Variants in A4GALT observed in about 807,000 individuals in gnomAD.
A4GALT encodes lactosylceramide 4-alpha-galactosyltransferase.
For synonymous variants in A4GALT, 257 were observed against 220.7 expected (o/e 1.16, Z -1.46); for missense variants, 512 against 486.0 (o/e 1.05, Z -0.50).
chr22:42,707,615 C>A (rs1450908849), intron 1 of A4GALT, among the ~76,000 whole-genome samples: 1 of 152,070 alleles, frequency 6.6e-6, no homozygotes, highest in Non-Finnish European at 1.5e-5. Flanking sequence ...GAAACTGCAT[C>A]ATCATTTTCT....
At chr22:42,696,771 C>G (rs1930962228) in intron 1 of A4GALT, among the ~76,000 whole-genome samples, 1 of 151,768 alleles carries the variant, frequency 6.6e-6, no homozygotes, top group African/African-American at 2.4e-5. Context: ...ATGTGTCCCC[C>G]TGACCTCACG....
rs201796538 is a variant in A4GALT, at chr22:42,702,295, T to TC, written c.-187-6665dup. ...GTGCAGCCGCTGTTGAGGACTTGTG[T>TC]CCCCCCCCGGAAAAAGGGGCTCCCC... On this transcript the variant is annotated intron_variant, in intron 1 of 2. Coordinates refer to ENST00000642412, the MANE Select transcript of A4GALT (RefSeq NM_017436.7). Among the ~76,000 whole-genome samples the TC allele has an allele frequency of 7.1e-3, 1,022 of 143,382 alleles. 5 individuals carry two copies. Among genetic ancestry groups the TC allele is most frequent in the Non-Finnish European group, 0.011 (752 of 66,532 alleles). The allele number at this position is 143,382 out of a possible 152,430, so 94.1% of individuals were successfully genotyped here. A position where few individuals can be genotyped will look rare whatever the true frequency, so the allele number is the denominator to read the frequency against.
intron 1 of A4GALT, among the ~76,000 whole-genome samples, chr22:42,710,395 A>G (rs1309993818): frequency 1.3e-5 from 2 of 152,154 alleles, no homozygotes; most frequent in Non-Finnish European, 2.9e-5. Flanking sequence ...TTAACAAAAG[A>G]TATTAAACAT....
At position 42,710,733 on chromosome 22, in the gene A4GALT, T is replaced by TAAATAAGA. The variant is rs1487670260; in HGVS notation, c.-188+10063_-188+10064insTCTTATTT. On this transcript the variant is annotated intron_variant, in intron 1 of 2. Coordinates refer to ENST00000642412, the MANE Select transcript of A4GALT (RefSeq NM_017436.7). ...ATAAATAAATAAATAAATAAATAAA[T>TAAATAAGA]AAGAACAATGCAGCCTTGTGGCTGA... is the stretch of plus-strand genomic sequence containing the variant. Among the ~76,000 whole-genome samples, 487 of 139,472 alleles carry TAAATAAGA rather than the reference T, an allele frequency of 3.5e-3. 2 individuals carry two copies. Among genetic ancestry groups the TAAATAAGA allele is most frequent in the African/African-American group, 0.012 (465 of 39,684 alleles). The allele number at this position is 139,472 out of a possible 152,430, so 91.5% of individuals were successfully genotyped here.
At chr22:42,708,902 C>A (rs1036701203) in intron 1 of A4GALT, among the ~76,000 whole-genome samples, 7 of 151,816 alleles carry the variant, frequency 4.6e-5, no homozygotes, top group African/African-American at 1.7e-4. Context: ...AGGACAACTT[C>A]CACATTAGAA....
intron 1 of A4GALT, among the ~76,000 whole-genome samples, chr22:42,699,884 G>A (rs760628018): frequency 1.2e-4 from 19 of 152,192 alleles, no homozygotes; most frequent in Admixed American, 3.9e-4. Flanking sequence ...CCCAGTGTGG[G>A]TGGGCCCCCA....
At chr22:42,694,064 C>T in intron 2 of A4GALT, 67 bp from the exon 3 acceptor site, 1 of 981,698 alleles carries the variant, frequency 1.0e-6, no homozygotes, top group Non-Finnish European at 1.5e-6. Context: ...GAAAACGCTT[C>T]CTGTGAACAT....
chr22:42,711,902 C>T (rs1261718556), intron 1 of A4GALT, among the ~76,000 whole-genome samples: 3 of 152,108 alleles, frequency 2.0e-5, no homozygotes, highest in East Asian at 1.9e-4. Flanking sequence ...GGATCACAGG[C>T]GTGAGCCACC....
Position 42,713,837 on chromosome 22 carries a change from C to A in A4GALT, c.-188+6960G>T, listed in dbSNP as rs993012086. Among the ~76,000 whole-genome samples the A allele has an allele frequency of 3.8e-3, 541 of 141,722 alleles. 4 individuals carry two copies. The highest frequency in any genetic ancestry group is 0.011 in the East Asian group (49 of 4,534). The allele number at this position is 141,722 out of a possible 152,430, so 93.0% of individuals were successfully genotyped here. A position where few individuals can be genotyped will look rare whatever the true frequency, so the allele number is the denominator to read the frequency against. On this transcript the variant is annotated intron_variant, in intron 1 of 2. Transcript: ENST00000642412. Reference sequence around the variant, plus strand: ...AAAAAAAAAAAAAAAAAAAGACAGACAGACAGACAGACAGACATCAGGTGC... The same window carrying A: ...AAAAAAAAAAAAAAAAAAAGACAGAAAGACAGACAGACAGACATCAGGTGC...
intron 1 of A4GALT, among the ~76,000 whole-genome samples, chr22:42,703,741 C>A (rs1920945911): frequency 6.6e-6 from 1 of 152,138 alleles, no homozygotes; most frequent in African/African-American, 2.4e-5. Context: ...AATGCTCTAA[C>A]CTTGGCGGGA....
At chr22:42,709,067 A>ATTTTTT (rs71186522) in intron 1 of A4GALT, among the ~76,000 whole-genome samples, 9 of 128,812 alleles carry the variant, frequency 7.0e-5, no homozygotes, top group African/African-American at 8.4e-5. Context: ...ATATATATAT[A>ATTTTTT]TTTTTTTTAA....
upstream of A4GALT, chr22:42,720,979 T>C (rs28910285): frequency 0.7 from 104,503 of 149,334 alleles, 36,724 homozygotes; most frequent in East Asian, 0.84. Context: ...CCCAGAGCCC[T>C]TGCGGGGTCC....
chr22:42,693,161 A>T lies in A4GALT; in HGVS notation c.791T>A (p.Ile264Asn). Residue 264 changes from isoleucine to asparagine, a missense_variant, in exon 3 of 3, where the codon ATC becomes AAC. Transcript: ENST00000642412. ...GGCGCGGCTCTCGGCCAGGCTGCGGATGGAACACCACTTCTTGAAGACCCG... is the reference window on the plus strand; with the variant it reads ...GGCGCGGCTCTCGGCCAGGCTGCGGTTGGAACACCACTTCTTGAAGACCCG... ...LTRVFKKWCS[I>N]RSLAESRACR... is the part of the protein sequence containing the mutation. The T allele has an allele frequency of 6.3e-7, 1 of 1,597,414 alleles. No individual in the cohort carries two copies. The highest frequency in any genetic ancestry group is 8.5e-7 in the Non-Finnish European group (1 of 1,173,258).
rs755543231 is a variant in A4GALT at position 42,693,187 on chromosome 22, C to A, written c.765G>T (p.Thr255=). The A allele has an allele frequency of 1.3e-6, 2 of 1,599,386 alleles. No homozygotes were observed. Among genetic ancestry groups the A allele is most frequent in the Non-Finnish European group, 1.7e-6 (2 of 1,174,120 alleles). Residue 255 remains threonine (T), a synonymous_variant, in exon 3 of 3, where the codon ACG becomes ACT. Transcript: ENST00000642412. ...TGGAACACCACTTCTTGAAGACCCGCGTGAGCAGCTGCGGGCCCTGGTGAC... is the reference window on the plus strand; with the variant it reads ...TGGAACACCACTTCTTGAAGACCCGAGTGAGCAGCTGCGGGCCCTGGTGAC... ...IWGHQGPQLL[T]RVFKKWCSIR...
At chr22:42,698,203 G>A (rs1190582021) in intron 1 of A4GALT, among the ~76,000 whole-genome samples, 2 of 148,116 alleles carry the variant, frequency 1.4e-5, no homozygotes, top group Non-Finnish European at 3.0e-5. Flanking sequence ...AGCTGAGATC[G>A]TGCCACTGCA....
At chr22:42,705,582 G>A (rs1198545608) in intron 1 of A4GALT, among the ~76,000 whole-genome samples, 1 of 100,576 alleles carries the variant, frequency 9.9e-6, no homozygotes, top group African/African-American at 3.0e-5. Context: ...CAGCCTGGGC[G>A]ACAGAGATTC....
Position 42,703,259 on chromosome 22 carries a change from G to GTTTTT in A4GALT, c.-187-7633_-187-7629dup, listed in dbSNP as rs59690136. Among the ~76,000 whole-genome samples the GTTTTT allele has an allele frequency of 4.1e-3, 540 of 131,712 alleles. 9 individuals are homozygous for GTTTTT. Among genetic ancestry groups the GTTTTT allele is most frequent in the African/African-American group, 0.014 (497 of 34,800 alleles). The allele number at this position is 131,712 out of a possible 152,430, so 86.4% of individuals were successfully genotyped here. Reference sequence around the variant, plus strand: ...TTTTTTTTGTTGTTTGTTTGTTTTTGTTTTTTTTTTTTTTGAGACAGAGTC... The same window carrying GTTTTT: ...TTTTTTTTGTTGTTTGTTTGTTTTTGTTTTTTTTTTTTTTTTTTTGAGACAGAGTC... On this transcript the variant is annotated intron_variant, in intron 1 of 2. Coordinates refer to ENST00000642412, the MANE Select transcript of A4GALT (RefSeq NM_017436.7).
intron 1 of A4GALT, among the ~76,000 whole-genome samples, chr22:42,695,984 G>A (rs1176435888): frequency 5.9e-5 from 9 of 151,914 alleles, no homozygotes; most frequent in Non-Finnish European, 7.4e-5. Flanking sequence ...TTAGCCAGGC[G>A]CGGTGGTGTG....
At chr22:42,716,373 A>C (rs1356496897) in intron 1 of A4GALT, among the ~76,000 whole-genome samples, 1 of 152,182 alleles carries the variant, frequency 6.6e-6, no homozygotes, top group Non-Finnish European at 1.5e-5. Context: ...ATTTATTAAA[A>C]GCTCACTGTC....
Sources: allele counts gnomAD v4.1 joint callset (sites outside exome capture counted in the v4.1 genomes callset), GRCh38; gene constraint gnomAD v4.1.1; transcripts MANE v1.5; gene names NCBI Gene and HGNC (gene_info 2026-07-23, HGNC 2026-07-21).